The following RIMS2 variants were observed in gnomAD, a reference collection of about 807,000 sequenced individuals.
RIMS2 encodes the protein regulating synaptic membrane exocytosis protein 2.
RIMS2 carries 59 observed loss-of-function variants against 174.4 expected under a neutral mutation model. That is an observed-to-expected ratio of 0.34 (90% CI 0.27 to 0.42). The LOEUF (loss-of-function observed/expected upper bound fraction) is 0.42, where lower values mean the gene tolerates loss of function less well. Ranked by LOEUF, RIMS2 falls within the 10% of genes least tolerant of loss-of-function variation. RIMS2 has a pLI of 1.00. For synonymous variants in RIMS2, 606 were observed against 572.5 expected (o/e 1.06, Z -0.84); for missense variants, 1,620 against 1,666.3 (o/e 0.97, Z 0.48).
intron 1 of RIMS2, among the ~76,000 whole-genome samples, chr8:103,544,486 G>C (rs1035833973): frequency 6.6e-6 from 1 of 152,188 alleles, no homozygotes; most frequent in African/African-American, 2.4e-5. Context: ...ATTTGCTGAG[G>C]GGAGCAACCT....
chr8:103,966,665 A>C (rs1351147072), intron 15 of RIMS2, among the ~76,000 whole-genome samples: 1 of 151,986 alleles, frequency 6.6e-6, no homozygotes, highest in Non-Finnish European at 1.5e-5. Context: ...CTTTGCATTT[A>C]ATTTGCTCTT....
At chr8:103,829,928 A>T (rs2098815366) in intron 3 of RIMS2, among the ~76,000 whole-genome samples, 1 of 152,218 alleles carries the variant, frequency 6.6e-6, no homozygotes, top group South Asian at 2.1e-4. Context: ...CAATTTCTTT[A>T]AGATAAATAG....
chr8:104,056,797 A>G (rs1021619641), intron 19 of RIMS2, among the ~76,000 whole-genome samples: 1 of 152,184 alleles, frequency 6.6e-6, no homozygotes, highest in Non-Finnish European at 1.5e-5. Context: ...AGGCAGGAGG[A>G]TCACTTAAGC....
chr8:103,978,788 C>T (rs979514149), intron 16 of RIMS2, among the ~76,000 whole-genome samples: 4 of 151,164 alleles, frequency 2.6e-5, no homozygotes, highest in African/African-American at 9.9e-5. Context: ...AATAATCAGA[C>T]CCCCCCAAAA....
At chr8:103,791,315 C>G (rs528001353) in intron 3 of RIMS2, among the ~76,000 whole-genome samples, 1 of 152,248 alleles carries the variant, frequency 6.6e-6, no homozygotes, top group South Asian at 2.1e-4. Flanking sequence ...CATATCCAGT[C>G]AAACTAAGCT....
At chr8:103,579,153 A>G (rs1236659186) in intron 1 of RIMS2, among the ~76,000 whole-genome samples, 1 of 152,102 alleles carries the variant, frequency 6.6e-6, no homozygotes, top group Non-Finnish European at 1.5e-5. Flanking sequence ...CTGTAATCCC[A>G]GCTACTTGAG....
exon 2 of RIMS2, chr8:103,697,261 C>G (rs1409286204): frequency 6.2e-7 from 1 of 1,613,602 alleles, no homozygotes; most frequent in Non-Finnish European, 8.5e-7. Flanking sequence ...GTTCTGTGCT[C>G]GTTGTGGAGG....
At chr8:103,628,666 G>A (rs1028720135) in intron 1 of RIMS2, among the ~76,000 whole-genome samples, 1 of 151,052 alleles carries the variant, frequency 6.6e-6, no homozygotes, top group Non-Finnish European at 1.5e-5. Flanking sequence ...ACTGTGGCTG[G>A]CCCTTGGGGT....
intron 19 of RIMS2, among the ~76,000 whole-genome samples, chr8:104,065,545 A>G (rs2097091067): frequency 2.6e-5 from 4 of 152,130 alleles, no homozygotes; most frequent in Non-Finnish European, 5.9e-5. Context: ...ATTATTCTAC[A>G]TGGAGTGTTT....
chr8:104,025,564 TATAA>T (rs2096236364), intron 19 of RIMS2, among the ~76,000 whole-genome samples: 1 of 152,196 alleles, frequency 6.6e-6, no homozygotes, highest in African/African-American at 2.4e-5. Flanking sequence ...ATAATTACTA[TATAA>T]ATGTTAGTTA....
chr8:103,606,771 C>T (rs2095112732), intron 1 of RIMS2, among the ~76,000 whole-genome samples: 1 of 151,870 alleles, frequency 6.6e-6, no homozygotes, highest in Admixed American at 6.6e-5. Context: ...TTCTTTGTCT[C>T]TTTTGATCTT....
At chr8:103,645,490 T>C (rs1337210261) in intron 1 of RIMS2, among the ~76,000 whole-genome samples, 1 of 152,106 alleles carries the variant, frequency 6.6e-6, no homozygotes, top group South Asian at 2.1e-4. Context: ...TAATTTACAG[T>C]GTTAGGTATA....
intron 1 of RIMS2, among the ~76,000 whole-genome samples, chr8:103,508,925 C>T (rs1297358644): frequency 1.3e-5 from 2 of 152,024 alleles, no homozygotes; most frequent in Non-Finnish European, 2.9e-5. Context: ...GCGTAACTGA[C>T]TACTGTACAT....
At chr8:103,888,014 C>T (rs1392047431) in intron 4 of RIMS2, among the ~76,000 whole-genome samples, 1 of 151,396 alleles carries the variant, frequency 6.6e-6, no homozygotes, top group East Asian at 1.9e-4. Flanking sequence ...TAAAGTTAGT[C>T]TGGAAGAAAC....
At chr8:103,749,390 G>A (rs1483960318) in intron 2 of RIMS2, among the ~76,000 whole-genome samples, 2 of 152,152 alleles carry the variant, frequency 1.3e-5, no homozygotes, top group Non-Finnish European at 2.9e-5. Context: ...GGGATTACAG[G>A]CATGAGCCAC....
At chr8:104,199,345 A>G (rs1266935686) in intron 19 of RIMS2, among the ~76,000 whole-genome samples, 1 of 151,892 alleles carries the variant, frequency 6.6e-6, no homozygotes, top group Non-Finnish European at 1.5e-5. Context: ...TACAGGCATG[A>G]GCCACCACGC....
chr8:103,907,686 A>T (rs2074742377), intron 4 of RIMS2, among the ~76,000 whole-genome samples: 1 of 151,446 alleles, frequency 6.6e-6, no homozygotes, highest in African/African-American at 2.4e-5. Context: ...AATTATTGCC[A>T]ATTTATGTCT....
At chr8:103,794,458 T>G (rs975772785) in intron 3 of RIMS2, among the ~76,000 whole-genome samples, 1 of 152,224 alleles carries the variant, frequency 6.6e-6, no homozygotes, top group Non-Finnish European at 1.5e-5. Flanking sequence ...ACTTAAATGT[T>G]AGACCTAAAA....
intron 3 of RIMS2, among the ~76,000 whole-genome samples, chr8:103,851,837 A>T (rs941108561): frequency 6.6e-6 from 1 of 152,060 alleles, no homozygotes; most frequent in Non-Finnish European, 1.5e-5. Context: ...ATTGCATTGC[A>T]AGGACATGTA....
Sources: allele counts gnomAD v4.1 joint callset (sites outside exome capture counted in the v4.1 genomes callset), GRCh38; gene constraint gnomAD v4.1.1; transcripts MANE v1.5; gene names NCBI Gene and HGNC (gene_info 2026-07-23, HGNC 2026-07-21).